The following KIF16B variants were observed in gnomAD, a reference collection of about 807,000 sequenced individuals.
KIF16B encodes the protein kinesin family member 16B, also known as kinesin-like protein KIF16B.
In KIF16B, 98 loss-of-function variants were observed where a neutral mutation model predicts 156.3. The observed-to-expected ratio is 0.63, with a 90% CI of 0.53 to 0.74. The LOEUF is 0.74. Among genes scored for constraint, KIF16B ranks in the 30% least tolerant of loss-of-function variants. The probability of loss-of-function intolerance (pLI) is 0.00; values close to 1 mark genes in which losing one functional copy is unlikely to be tolerated. For synonymous variants in KIF16B, 564 were observed against 583.7 expected (o/e 0.97, Z 0.49); for missense variants, 1,421 against 1,606.5 (o/e 0.88, Z 1.97).
At chr20:16,556,142 G>A (rs920949973) in intron 1 of KIF16B, among the ~76,000 whole-genome samples, 7 of 152,160 alleles carry the variant, frequency 4.6e-5, no homozygotes, top group African/African-American at 1.7e-4. Flanking sequence ...AGTACCAACA[G>A]AATAAAGGCT....
At chr20:16,545,754 C>T (rs1046933779) in intron 1 of KIF16B, among the ~76,000 whole-genome samples, 12 of 152,256 alleles carry the variant, frequency 7.9e-5, no homozygotes, top group Non-Finnish European at 1.5e-4. Flanking sequence ...GACATTAAAT[C>T]GACTATTCAA....
intron 12 of KIF16B, among the ~76,000 whole-genome samples, chr20:16,451,127 T>C (rs1179479480): frequency 6.6e-6 from 1 of 152,196 alleles, no homozygotes; most frequent in African/African-American, 2.4e-5. Flanking sequence ...ATATAGAATG[T>C]ACGTCTGGAA....
chr20:16,364,828 A>C (rs762150943), intron 22 of KIF16B, among the ~76,000 whole-genome samples: 1 of 152,242 alleles, frequency 6.6e-6, no homozygotes, highest in Non-Finnish European at 1.5e-5. Context: ...TAGATCATAA[A>C]GCAGACTGCA....
At chr20:16,446,570 A>G (rs1264088433) in intron 12 of KIF16B, among the ~76,000 whole-genome samples, 1 of 152,224 alleles carries the variant, frequency 6.6e-6, no homozygotes, top group Non-Finnish European at 1.5e-5. Flanking sequence ...ATTAAAATAC[A>G]GAAATGTTAG....
In KIF16B at chr20:16,321,477, G is replaced by A. The variant is rs547485990; in HGVS notation, c.3712-9059C>T. On this transcript the variant is annotated intron_variant, in intron 24 of 25. Coordinates refer to ENST00000354981, the MANE Select transcript of KIF16B (RefSeq NM_024704.5). ...TTCTCTAGTTCCTAGTTTCATCATC[G>A]TGAAAATGAAGAAATTGAACCAAGA... 1.1e-4 allele frequency among the ~76,000 whole-genome samples: 17 copies of A among 152,102 alleles called. 1 individual carries two copies. Among genetic ancestry groups the A allele is most frequent in the Middle Eastern group, 3.4e-3 (1 of 294 alleles).
intron 12 of KIF16B, among the ~76,000 whole-genome samples, chr20:16,476,603 A>T (rs1165588816): frequency 6.6e-6 from 1 of 152,230 alleles, no homozygotes; most frequent in African/African-American, 2.4e-5. Flanking sequence ...AGCCCATTAT[A>T]GAATGGTTTC....
intron 23 of KIF16B, among the ~76,000 whole-genome samples, chr20:16,354,771 C>G (rs1409051708): frequency 6.6e-6 from 1 of 152,102 alleles, no homozygotes; most frequent in Non-Finnish European, 1.5e-5. Flanking sequence ...CAGTGCAAAC[C>G]CTGTCTCTAC....
intron 1 of KIF16B, among the ~76,000 whole-genome samples, chr20:16,536,203 TA>T (rs1220438374): frequency 6.6e-6 from 1 of 152,094 alleles, no homozygotes; most frequent in Non-Finnish European, 1.5e-5. Context: ...TGGACAGAAC[TA>T]GGGGTCATTA....
At chr20:16,350,462 C>T (rs2064315276) in intron 23 of KIF16B, among the ~76,000 whole-genome samples, 2 of 152,052 alleles carry the variant, frequency 1.3e-5, no homozygotes, top group South Asian at 4.2e-4. Flanking sequence ...CAGATGTACC[C>T]TGCGGGTGCT....
intron 3 of KIF16B, among the ~76,000 whole-genome samples, chr20:16,522,706 C>A (rs1437717074): frequency 1.3e-5 from 2 of 152,168 alleles, no homozygotes; most frequent in East Asian, 3.8e-4. Context: ...CCCCAAATAA[C>A]AGAACACACA....
chr20:16,396,101 C>G (rs1463311844), intron 17 of KIF16B, among the ~76,000 whole-genome samples: 1 of 152,156 alleles, frequency 6.6e-6, no homozygotes, highest in Non-Finnish European at 1.5e-5. Context: ...ATGCCTACCA[C>G]TAGACGTTAA....
At chr20:16,516,298 C>T (rs1310794379) in intron 3 of KIF16B, among the ~76,000 whole-genome samples, 3 of 152,060 alleles carry the variant, frequency 2.0e-5, no homozygotes, top group Non-Finnish European at 4.4e-5. Flanking sequence ...GGGTGGGGGT[C>T]ACACACATGG....
intron 12 of KIF16B, among the ~76,000 whole-genome samples, chr20:16,482,177 G>A (rs1371639531): frequency 6.6e-6 from 1 of 151,996 alleles, no homozygotes; most frequent in South Asian, 2.1e-4. Context: ...GTCAGTAGAT[G>A]CCCATTTGCT....
chr20:16,550,238 C>T (rs1420486620), intron 1 of KIF16B, among the ~76,000 whole-genome samples: 3 of 147,010 alleles, frequency 2.0e-5, no homozygotes, highest in Non-Finnish European at 4.5e-5. Context: ...CCAAAAAACA[C>T]ATGAAAAAAT....
In KIF16B at chr20:16,391,039, G is replaced by A. The variant is rs2146162768; in HGVS notation, c.1785-9292C>T. On this transcript the variant is annotated intron_variant, in intron 17 of 25. Transcript: ENST00000354981. ...GATGAGAGGAAGCCTTGCAGAGGAGGTGTTGTCTGAGCTTGGCCTTGAAAA... is the reference window on the plus strand; with the variant it reads ...GATGAGAGGAAGCCTTGCAGAGGAGATGTTGTCTGAGCTTGGCCTTGAAAA... Among the ~76,000 whole-genome samples the A allele has an allele frequency of 3.3e-5, 5 of 152,278 alleles. No individual in the cohort carries two copies. In the Middle Eastern group the frequency reaches 0.01, roughly 311 times the overall value.
At position 16,273,211 on chromosome 20, in the gene KIF16B, C is replaced by T. The variant is rs371637462; in HGVS notation, c.*42G>A. 40 of 1,580,120 alleles carry T rather than the reference C, an allele frequency of 2.5e-5. No homozygotes were observed. The Middle Eastern group carries it at 5.6e-4, about 22-fold the overall frequency. ...TGCCCTGCATCGGAGCCCGCTTCGA[C>T]GAGAAGGCACTGCTGTGGTGGTTCC... On this transcript the variant is annotated 3_prime_UTR_variant, in exon 26 of 26. Coordinates refer to ENST00000354981, the MANE Select transcript of KIF16B (RefSeq NM_024704.5).
intron 24 of KIF16B, among the ~76,000 whole-genome samples, chr20:16,322,700 C>T (rs933520754): frequency 3.3e-5 from 5 of 151,956 alleles, no homozygotes; most frequent in African/African-American, 1.2e-4. Context: ...AGTTATCAGG[C>T]TCAAATCCTG....
intron 12 of KIF16B, among the ~76,000 whole-genome samples, chr20:16,464,108 A>C (rs2067422212): frequency 6.6e-6 from 1 of 152,176 alleles, no homozygotes; most frequent in African/African-American, 2.4e-5. Context: ...TCTAATAATT[A>C]GTTATCAAAA....
intron 24 of KIF16B, among the ~76,000 whole-genome samples, chr20:16,326,280 A>AC (rs980965476): frequency 4.1e-5 from 6 of 146,708 alleles, no homozygotes; most frequent in South Asian, 2.1e-4. Flanking sequence ...AAATGCAACA[A>AC]AAAAAAAAAG....
Sources: allele counts gnomAD v4.1 joint callset (sites outside exome capture counted in the v4.1 genomes callset), GRCh38; gene constraint gnomAD v4.1.1; transcripts MANE v1.5; gene names NCBI Gene and HGNC (gene_info 2026-07-23, HGNC 2026-07-21).